Variants in THBS2 observed in about 807,000 individuals in gnomAD.
THBS2 encodes thrombospondin 2.
A neutral mutation model predicts 135.2 loss-of-function variants in THBS2; 47 were observed. That is an observed-to-expected ratio of 0.35 (90% CI 0.28 to 0.44). The LOEUF is 0.44. THBS2 is among the 20% of genes least tolerant of loss of function. THBS2 has a pLI of 1.00. For synonymous variants in THBS2, 639 were observed against 633.8 expected, an observed-to-expected ratio of 1.01 and a Z score of -0.12; for missense variants, 1,288 against 1,603.1, an observed-to-expected ratio of 0.80 and a Z score of 3.36.
intron 21 of THBS2, among the ~76,000 whole-genome samples, chr6:169,218,088 ATGGG>A (rs1453221271): frequency 2.0e-4 from 12 of 61,070 alleles, no homozygotes; most frequent in South Asian, 1.8e-3. Context: ...GGTGGATGAA[ATGGG>A]TGGGTGGATG....
At chr6:169,244,164 GTTTTTTTT>G (rs34458367) in intron 4 of THBS2, among the ~76,000 whole-genome samples, 2 of 120,324 alleles carry the variant, frequency 1.7e-5, no homozygotes, top group Non-Finnish European at 3.4e-5. Context: ...ATTTCTCTGT[GTTTTTTTT>G]TTTTTTTTTT....
chr6:169,237,959 T>G (rs1168412622), intron 7 of THBS2, among the ~76,000 whole-genome samples, 164 bp from the exon 8 acceptor site: 2 of 152,194 alleles, frequency 1.3e-5, no homozygotes, highest in Non-Finnish European at 2.9e-5. Context: ...GGCTGGGCCG[T>G]GGCTCCGTGG....
chr6:169,236,467 A>C, intron 9 of THBS2, among the ~76,000 whole-genome samples: 3 of 83,256 alleles, frequency 3.6e-5, no homozygotes, highest in Admixed American at 1.4e-4. Context: ...CACCATCCAC[A>C]CTCACTCCCC....
chr6:169,239,740 G>A, intron 6 of THBS2, 45 bp from the exon 7 acceptor site: 1 of 1,458,678 alleles, frequency 6.9e-7, no homozygotes, highest in South Asian at 1.2e-5. Flanking sequence ...TTTAAAAGGA[G>A]GGGACGCTGG....
chr6:169,237,310 C>G lies in THBS2; in HGVS notation c.1337G>C (p.Trp446Ser). ...QDGGWSHWSP[W>S]SSCSVTCGVG... ...TCCACAGGTCACAGAGCATGAAGAC[C>G]AAGGTGACCAGTGGCTCCAGCCGCC... The change falls in exon 9 of 22, where the codon TGG becomes TCG. Residue 446 changes from tryptophan to serine, a missense_variant. Physicochemically the swap from Trp to Ser is radical, Grantham distance 177. Coordinates refer to ENST00000617924, the MANE Select transcript of THBS2 (RefSeq NM_003247.5). The G allele has an allele frequency of 1.2e-6, 2 of 1,613,454 alleles. No homozygotes were observed. Among genetic ancestry groups the G allele is most frequent in the Non-Finnish European group, 1.7e-6 (2 of 1,180,024 alleles).
chr6:169,224,219 C>A (rs561724000), intron 17 of THBS2, among the ~76,000 whole-genome samples: 37 of 152,392 alleles, frequency 2.4e-4, no homozygotes, highest in African/African-American at 8.7e-4. Context: ...CATACTCCAG[C>A]TACCACGTGG....
At chr6:169,219,987 A>G (rs1562352567) in intron 21 of THBS2, among the ~76,000 whole-genome samples, 1 of 152,212 alleles carries the variant, frequency 6.6e-6, no homozygotes, top group Non-Finnish European at 1.5e-5. Flanking sequence ...GTGTTCTACC[A>G]GAGGCATCCA....
intron 2 of THBS2, 38 bp downstream of exon 2, chr6:169,250,695 C>G: frequency 6.3e-7 from 1 of 1,593,742 alleles, no homozygotes; most frequent in Non-Finnish European, 8.6e-7. Context: ...CCATATCTCA[C>G]AAGCCAGAGA....
intron 13 of THBS2, among the ~76,000 whole-genome samples, chr6:169,231,751 T>C (rs1171527565): frequency 6.6e-6 from 1 of 152,154 alleles, no homozygotes; most frequent in Non-Finnish European, 1.5e-5. Flanking sequence ...GTGCCCGAGG[T>C]TCTCTGTGCC....
intron 18 of THBS2, 40 bp downstream of exon 18, chr6:169,223,208 G>C (rs369283861): frequency 1.3e-6 from 2 of 1,586,278 alleles, no homozygotes; most frequent in Non-Finnish European, 1.7e-6. Flanking sequence ...CGCCTCCCCC[G>C]GAGAAATGCT....
intron 4 of THBS2, 147 bp from the exon 5 acceptor site, chr6:169,242,105 G>A: frequency 1.1e-6 from 1 of 907,588 alleles, no homozygotes; most frequent in Non-Finnish European, 1.6e-6. Context: ...CAGCAGCAGA[G>A]GCCAGGACCA....
intron 2 of THBS2, among the ~76,000 whole-genome samples, chr6:169,249,659 C>A (rs551026343): frequency 1.3e-5 from 2 of 152,136 alleles, no homozygotes; most frequent in Non-Finnish European, 1.5e-5. Context: ...GTATCAAGTA[C>A]AGAAACAAAT....
intron 9 of THBS2, among the ~76,000 whole-genome samples, chr6:169,236,285 C>T (rs1780059716): frequency 7.2e-6 from 1 of 138,430 alleles, no homozygotes; most frequent in African/African-American, 2.8e-5. Flanking sequence ...TCCCCATCCA[C>T]ACTCATTCCC....
intron 4 of THBS2, among the ~76,000 whole-genome samples, chr6:169,245,531 A>T (rs374870304): frequency 2.6e-5 from 4 of 152,130 alleles, no homozygotes; most frequent in African/African-American, 9.7e-5. Context: ...GGTGGCTCAC[A>T]CCTGTAATCC....
rs1424432861 is a variant in THBS2, at chr6:169,217,807, T to C, written c.*15A>G. The C allele has an allele frequency of 6.8e-6, 11 of 1,610,418 alleles. No homozygotes were observed. Among genetic ancestry groups the C allele is most frequent in the Non-Finnish European group, 8.5e-6 (10 of 1,179,440 alleles). ...GGCATGCACAGGGCATTGCCGGAAATGCAGCAAATCTTGTTTAAATATCTA... is the reference window on the plus strand; with the variant it reads ...GGCATGCACAGGGCATTGCCGGAAACGCAGCAAATCTTGTTTAAATATCTA... On this transcript the variant is annotated 3_prime_UTR_variant, in exon 22 of 22. Transcript: ENST00000617924.
intron 8 of THBS2, 69 bp from the exon 9 acceptor site, chr6:169,237,415 C>G: frequency 6.3e-7 from 1 of 1,586,104 alleles, no homozygotes; most frequent in Non-Finnish European, 8.6e-7. Context: ...AGCGGTGTGC[C>G]TTATTAACCG....
At chr6:169,223,060 C>T (rs1779489401) in intron 18 of THBS2, among the ~76,000 whole-genome samples, 188 bp downstream of exon 18, 1 of 152,204 alleles carries the variant, frequency 6.6e-6, no homozygotes, top group South Asian at 2.1e-4. Flanking sequence ...TCAGAGACTT[C>T]AGAGCGGCAG....
Position 169,229,555 on chromosome 6 carries a change from G to T in THBS2, c.2259+17C>A, listed in dbSNP as rs1389123230. On this transcript the variant is annotated intron_variant, in intron 14 of 21. Coordinates refer to ENST00000617924, the MANE Select transcript of THBS2 (RefSeq NM_003247.5). ...TCCTGGAACCCAGGGCAGGTGCGCG[G>T]CACAAGCTGCTCCTACCTTCTCATC... 1 of 1,608,596 alleles carries T rather than the reference G, an allele frequency of 6.2e-7. No individual in the cohort carries two copies. Among genetic ancestry groups the T allele is most frequent in the Admixed American group, 1.7e-5 (1 of 59,994 alleles).
intron 9 of THBS2, among the ~76,000 whole-genome samples, chr6:169,236,343 T>TC (rs1470338780): frequency 4.5e-5 from 1 of 22,204 alleles, no homozygotes; most frequent in Non-Finnish European, 9.2e-5. Context: ...CCACACTCAC[T>TC]CCCCATCCAC....
Sources: gnomAD v4.1 joint callset for allele counts (sites outside exome capture counted in the v4.1 genomes callset) on GRCh38, gnomAD v4.1.1 for gene constraint, MANE v1.5 for transcripts, NCBI Gene and HGNC (gene_info 2026-07-23, HGNC 2026-07-21) for gene names.